NFIB: variants seen among roughly 807,000 people sequenced by gnomAD.
NFIB encodes the protein nuclear factor I B, also known as nuclear factor 1 B-type.
Under a neutral mutation model 61.5 loss-of-function variants are expected in NFIB, and 11 were observed. The observed-to-expected ratio is 0.18, with a 90% CI of 0.11 to 0.30. The LOEUF is 0.30. Ranked by LOEUF, NFIB falls within the 10% of genes least tolerant of loss-of-function variation. The pLI, the probability that NFIB is intolerant of heterozygous loss-of-function variation, is 1.00. For missense variants in NFIB, 471 were observed against 608.9 expected (o/e 0.77, Z 2.38); for synonymous variants, 260 against 216.5 (o/e 1.20, Z -1.76).
chr9:14,120,633 G>C lies in NFIB; in HGVS notation c.1061-9C>G, dbSNP rs2038796858. ...AGTTCGAGTTGAGATGACTGCAGAA[G>C]ACAGAAAAGGAAAGATTGACTCATC... On this transcript the variant is annotated splice_polypyrimidine_tract_variant and intron_variant, in intron 7 of 10. Transcript: ENST00000380953. The surrounding 1 kb of genome is among the most constrained non-coding windows in gnomAD (Gnocchi z 4.4). 1.3e-6 allele frequency: 2 copies of C among 1,587,108 alleles called. No homozygotes were observed. Among genetic ancestry groups the C allele is most frequent in the Non-Finnish European group, 8.6e-7 (1 of 1,168,506 alleles).
At chr9:14,104,483 C>T (rs1227386642) in intron 10 of NFIB, among the ~76,000 whole-genome samples, 1 of 151,654 alleles carries the variant, frequency 6.6e-6, no homozygotes, top group Non-Finnish European at 1.5e-5. Flanking sequence ...AATCAAAAAA[C>T]AGTTCAAGAA....
chr9:14,490,844 TTTGAGA>T, the NFIB span, among the ~76,000 whole-genome samples: 2 of 152,216 alleles, frequency 1.3e-5, no homozygotes. Context: ...TGGAAAGTCA[TTTGAGA>T]TTATCATTCA....
chr9:14,362,986 T>C, intron 1 of NFIB: 1 of 152,116 alleles, frequency 6.6e-6, no homozygotes, highest in East Asian at 1.9e-4. Flanking sequence ...CTTAAGGGCT[T>C]CTCCTTTTTA....
chr9:14,502,464 A>G, the NFIB span, among the ~76,000 whole-genome samples: 1 of 152,214 alleles, frequency 6.6e-6, no homozygotes, highest in African/African-American at 2.4e-5. Context: ...AGGAAATCTA[A>G]TAGTGCATTG....
At chr9:14,129,415 A>C (rs928183502) in intron 6 of NFIB, among the ~76,000 whole-genome samples, 3 of 151,808 alleles carry the variant, frequency 2.0e-5, no homozygotes, top group Non-Finnish European at 2.9e-5. Flanking sequence ...AAAAAAACAA[A>C]AAAAAAACAC....
At chr9:14,493,076 T>C in the NFIB span, among the ~76,000 whole-genome samples, 3 of 152,222 alleles carry the variant, frequency 2.0e-5, no homozygotes, top group South Asian at 4.1e-4. Flanking sequence ...AGGGTAGAGC[T>C]CAGGTTTGAA....
the NFIB span, among the ~76,000 whole-genome samples, chr9:14,408,913 G>A: frequency 6.6e-6 from 1 of 152,272 alleles, no homozygotes; most frequent in Admixed American, 6.5e-5. Context: ...ATAAAACTGA[G>A]GCACAGAGAA....
At chr9:14,437,805 T>A in the NFIB span, among the ~76,000 whole-genome samples, 34 of 152,164 alleles carry the variant, frequency 2.2e-4, no homozygotes, top group Admixed American at 2.2e-3. Flanking sequence ...GCCTCCTGCC[T>A]CGCTGGGGGT....
At chr9:14,417,737 C>T in the NFIB span, among the ~76,000 whole-genome samples, 1 of 145,202 alleles carries the variant, frequency 6.9e-6, no homozygotes, top group Non-Finnish European at 1.5e-5. Context: ...TTCTAGGTGT[C>T]ATAAATTAAA....
At chr9:14,418,996 C>T in the NFIB span, among the ~76,000 whole-genome samples, 1 of 152,008 alleles carries the variant, frequency 6.6e-6, no homozygotes, top group Non-Finnish European at 1.5e-5. Flanking sequence ...CATCCCAGTT[C>T]CATCCACGGC....
intron 1 of NFIB, among the ~76,000 whole-genome samples, chr9:14,385,696 T>C (rs2061541417): frequency 6.6e-6 from 1 of 152,072 alleles, no homozygotes; most frequent in Non-Finnish European, 1.5e-5. Context: ...TATATATTTG[T>C]AATCTTTTAT....
chr9:14,164,498 A>G (rs1163642426), intron 3 of NFIB, among the ~76,000 whole-genome samples: 2 of 152,158 alleles, frequency 1.3e-5, no homozygotes, highest in Admixed American at 6.5e-5. Flanking sequence ...TACCATAAAA[A>G]TATTATAATC....
intron 1 of NFIB, among the ~76,000 whole-genome samples, chr9:14,337,610 C>T (rs1422182774): frequency 1.3e-5 from 2 of 152,220 alleles, no homozygotes; most frequent in African/African-American, 4.8e-5. Flanking sequence ...TTTCAGTTCT[C>T]ATTTTCTAAC....
chr9:14,439,085 T>C, the NFIB span, among the ~76,000 whole-genome samples: 1 of 152,164 alleles, frequency 6.6e-6, no homozygotes, highest in Non-Finnish European at 1.5e-5. Context: ...GTTAAGAAGT[T>C]TCAGGCTCGG....
At chr9:14,287,107 G>C (rs560054473) in intron 2 of NFIB, among the ~76,000 whole-genome samples, 1 of 152,082 alleles carries the variant, frequency 6.6e-6, no homozygotes, top group Non-Finnish European at 1.5e-5. Flanking sequence ...TATATGATTT[G>C]TAACCTTAAA....
intron 2 of NFIB, among the ~76,000 whole-genome samples, chr9:14,301,748 C>A (rs2132654395): frequency 1.3e-5 from 2 of 152,302 alleles, no homozygotes; most frequent in Middle Eastern, 6.8e-3. Flanking sequence ...GTGGCAGAGA[C>A]CTCATGGCAT....
intron 1 of NFIB, among the ~76,000 whole-genome samples, chr9:14,383,249 C>A (rs2061508495): frequency 1.3e-5 from 2 of 152,168 alleles, no homozygotes; most frequent in African/African-American, 2.4e-5. Context: ...ATTCATAGGA[C>A]AGTTATTGAG....
chr9:14,528,369 TG>T, the NFIB span, among the ~76,000 whole-genome samples: 1 of 152,138 alleles, frequency 6.6e-6, no homozygotes, highest in Non-Finnish European at 1.5e-5. Context: ...AAAGTAAAAA[TG>T]ATTTTCTTTC....
chr9:14,315,816 T>G (rs1255328686), upstream of NFIB, among the ~76,000 whole-genome samples: 2 of 151,710 alleles, frequency 1.3e-5, no homozygotes, highest in African/African-American at 4.8e-5. Context: ...AGCAAAGGCC[T>G]CCCAGACAAT....
Sources: allele counts gnomAD v4.1 joint callset (sites outside exome capture counted in the v4.1 genomes callset), GRCh38; gene constraint gnomAD v4.1.1; non-coding constraint Gnocchi (gnomAD v3.1); transcripts MANE v1.5; gene names NCBI Gene and HGNC (gene_info 2026-07-23, HGNC 2026-07-21).